The following ZFAND3 variants were observed in gnomAD, a reference collection of about 807,000 sequenced individuals.
ZFAND3 encodes the protein AN1-type zinc finger protein 3.
ZFAND3 carries 10 observed loss-of-function variants against 29.6 expected under a neutral mutation model. The observed-to-expected ratio is 0.34, with a 90% CI of 0.21 to 0.57. The LOEUF (loss-of-function observed/expected upper bound fraction) is 0.57, where lower values mean the gene tolerates loss of function less well. ZFAND3 is among the 20% of genes least tolerant of loss of function. The pLI is 0.86. For missense variants in ZFAND3, 230 were observed against 304.5 expected, an observed-to-expected ratio of 0.76 and a Z score of 1.82; for synonymous variants, 128 against 112.6, an observed-to-expected ratio of 1.14 and a Z score of -0.87.
intron 1 of ZFAND3, among the ~76,000 whole-genome samples, chr6:37,908,555 A>G (rs1581752239): frequency 6.7e-6 from 1 of 149,094 alleles, no homozygotes; most frequent in Admixed American, 6.7e-5. Context: ...AAAAAAAAAA[A>G]AAAAGAAAAA....
intron 5 of ZFAND3, among the ~76,000 whole-genome samples, chr6:38,122,840 G>A (rs1318328282): frequency 6.6e-6 from 1 of 152,206 alleles, no homozygotes; most frequent in African/African-American, 2.4e-5. Context: ...CAAGATTCTG[G>A]ACAGGCTTTC....
chr6:37,872,289 G>A (rs542256353), intron 1 of ZFAND3, among the ~76,000 whole-genome samples: 1 of 152,318 alleles, frequency 6.6e-6, no homozygotes, highest in Non-Finnish European at 1.5e-5. Context: ...GGTTTTGATT[G>A]CTGTTCAGCG....
chr6:38,047,314 C>CA (rs758026895), intron 2 of ZFAND3, among the ~76,000 whole-genome samples: 4,929 of 111,524 alleles, frequency 0.044, 77 homozygotes, highest in Non-Finnish European at 0.052. Context: ...GACTCTGTCT[C>CA]AAAAAAAAAA....
intron 1 of ZFAND3, among the ~76,000 whole-genome samples, chr6:37,835,247 C>A (rs1470053396): frequency 1.3e-5 from 2 of 152,092 alleles, no homozygotes; most frequent in South Asian, 2.1e-4. Context: ...GCAGCCTCAG[C>A]CTATGGGCTC....
At chr6:38,148,193 A>C (rs1054868995) in intron 5 of ZFAND3, among the ~76,000 whole-genome samples, 10 of 152,190 alleles carry the variant, frequency 6.6e-5, no homozygotes, top group African/African-American at 2.4e-4. Context: ...CAATTCTCTG[A>C]GCACCATTTA....
intron 5 of ZFAND3, among the ~76,000 whole-genome samples, chr6:38,147,106 A>G (rs1177547458): frequency 6.6e-6 from 1 of 152,076 alleles, no homozygotes; most frequent in Admixed American, 6.6e-5. Flanking sequence ...CTATCTTACT[A>G]TGTGTTTATA....
At chr6:37,822,968 C>G (rs1272063558) in intron 1 of ZFAND3, among the ~76,000 whole-genome samples, 3 of 152,008 alleles carry the variant, frequency 2.0e-5, no homozygotes, top group East Asian at 1.9e-4. Context: ...GATCCAGGGC[C>G]CTCATAGCAT....
chr6:38,046,479 A>T (rs926293380), intron 2 of ZFAND3, among the ~76,000 whole-genome samples: 1 of 152,250 alleles, frequency 6.6e-6, no homozygotes, highest in Non-Finnish European at 1.5e-5. Flanking sequence ...TGTGTTAGTT[A>T]TACCCAATTT....
intron 2 of ZFAND3, among the ~76,000 whole-genome samples, chr6:38,008,031 G>A (rs542621769): frequency 6.6e-6 from 1 of 152,302 alleles, no homozygotes; most frequent in South Asian, 2.1e-4. Context: ...ATCAGAACCT[G>A]CATTTTAACA....
chr6:37,884,222 G>A (rs113788339), intron 1 of ZFAND3, among the ~76,000 whole-genome samples: 11,065 of 144,862 alleles, frequency 0.076, 1,483 homozygotes, highest in Non-Finnish European at 0.091. Flanking sequence ...GGCTGGATGC[G>A]GTGGCTCACG....
chr6:37,842,897 G>C (rs1004190068), intron 1 of ZFAND3, among the ~76,000 whole-genome samples: 4 of 152,004 alleles, frequency 2.6e-5, no homozygotes, highest in African/African-American at 7.3e-5. Flanking sequence ...CGAGGTGGGT[G>C]GGTCACTTGA....
At chr6:38,083,077 T>C (rs1764693949) in intron 4 of ZFAND3, among the ~76,000 whole-genome samples, 1 of 152,210 alleles carries the variant, frequency 6.6e-6, no homozygotes, top group Non-Finnish European at 1.5e-5. Context: ...CTAATAATGC[T>C]GTCTGCTATT....
chr6:37,935,901 G>A (rs1425649851), intron 2 of ZFAND3, among the ~76,000 whole-genome samples: 1 of 152,164 alleles, frequency 6.6e-6, no homozygotes, highest in African/African-American at 2.4e-5. Context: ...CTACTACAGT[G>A]TTAAAATACA....
intron 1 of ZFAND3, among the ~76,000 whole-genome samples, chr6:37,909,209 T>C (rs1313066243): frequency 1.3e-5 from 2 of 152,046 alleles, no homozygotes; most frequent in East Asian, 3.8e-4. Flanking sequence ...ATTAATGGAA[T>C]CCATTAAGAG....
chr6:37,865,475 C>G (rs1764574898), intron 1 of ZFAND3, among the ~76,000 whole-genome samples: 1 of 152,330 alleles, frequency 6.6e-6, no homozygotes, highest in East Asian at 1.9e-4. Flanking sequence ...CACAGATACA[C>G]ACGCACACAC....
intron 1 of ZFAND3, among the ~76,000 whole-genome samples, chr6:37,848,995 G>T (rs1764233479): frequency 6.6e-6 from 1 of 152,132 alleles, no homozygotes; most frequent in South Asian, 2.1e-4. Flanking sequence ...TCTGTGGAAG[G>T]GGAATTTGAA....
chr6:38,121,841 T>C (rs1229452077), intron 5 of ZFAND3, among the ~76,000 whole-genome samples: 11 of 152,178 alleles, frequency 7.2e-5, no homozygotes, highest in Non-Finnish European at 1.5e-5. Flanking sequence ...TTTTTCCCCT[T>C]GCACCTATAA....
chr6:37,980,224 A>G lies in ZFAND3; in HGVS notation c.112+50225A>G, dbSNP rs540486556. Among the ~76,000 whole-genome samples, 7 of 128,114 alleles carry G rather than the reference A, an allele frequency of 5.5e-5. No homozygotes were observed. The South Asian group carries it at 1.4e-3, about 26-fold the overall frequency. 84.0% of individuals were successfully genotyped at this position (128,114 alleles called of 152,430 possible). A position where few individuals can be genotyped will look rare whatever the true frequency, so the allele number is the denominator to read the frequency against. ...AAAATTGTAATTTTTGTCTGTTTTT[A>G]TTTGTTTTTGTTTCAGGCAGGAAGA... is the stretch of plus-strand genomic sequence containing the variant. On this transcript the variant is annotated intron_variant, in intron 2 of 5. Coordinates refer to ENST00000287218, the MANE Select transcript of ZFAND3 (RefSeq NM_021943.3).
At chr6:38,124,390 AG>A (rs1765591495) in intron 5 of ZFAND3, among the ~76,000 whole-genome samples, 1 of 152,158 alleles carries the variant, frequency 6.6e-6, no homozygotes, top group Non-Finnish European at 1.5e-5. Flanking sequence ...CGGCGCTCCT[AG>A]GGGAGGCTCG....
Sources: gnomAD v4.1 joint callset for allele counts (sites outside exome capture counted in the v4.1 genomes callset) on GRCh38, gnomAD v4.1.1 for gene constraint, MANE v1.5 for transcripts, NCBI Gene and HGNC (gene_info 2026-07-23, HGNC 2026-07-21) for gene names.